RBMXL1: variants seen among roughly 807,000 people sequenced by gnomAD.
RBMXL1 encodes RBMX like 1, also known as RNA binding motif protein, X-linked-like-1.
A neutral mutation model predicts 29.0 loss-of-function variants in RBMXL1; 18 were observed. The observed-to-expected ratio is 0.62, with a 90% CI of 0.43 to 0.92. RBMXL1 has a LOEUF of 0.92. Ranked by LOEUF, RBMXL1 falls within the 40% of genes least tolerant of loss-of-function variation. The pLI, the probability that RBMXL1 is intolerant of heterozygous loss-of-function variation, is 0.00. For missense variants in RBMXL1, 403 were observed against 495.8 expected, an observed-to-expected ratio of 0.81 and a Z score of 1.78; for synonymous variants, 141 against 170.4, an observed-to-expected ratio of 0.83 and a Z score of 1.34.
intron 2 of RBMXL1, among the ~76,000 whole-genome samples, chr1:88,986,210 CAG>C (rs1184047381): frequency 6.7e-6 from 1 of 148,522 alleles, no homozygotes; most frequent in African/African-American, 2.5e-5. Flanking sequence ...GAGAGAGAGA[CAG>C]AGAGAGTTGA....
intron 2 of RBMXL1, 63 bp from the exon 3 acceptor site, chr1:88,984,129 C>T (rs1207254347): frequency 2.6e-6 from 1 of 387,704 alleles, no homozygotes; most frequent in East Asian, 4.7e-5. Context: ...GGGAAAGATG[C>T]TTAAAGATAC....
chr1:88,985,191 T>C (rs756648452), intron 2 of RBMXL1, among the ~76,000 whole-genome samples: 11 of 152,078 alleles, frequency 7.2e-5, no homozygotes, highest in African/African-American at 2.7e-4. Context: ...TCAAAAAAAA[T>C]TGGGTTCAAG....
At position 88,981,504 on chromosome 1, in the gene RBMXL1, T is replaced by A; in HGVS notation, c.*1150A>T. 1 of 155,572 alleles carries A rather than the reference T, an allele frequency of 6.4e-6. No individual in the cohort carries two copies. The highest frequency in any genetic ancestry group is 2.0e-4 in the South Asian group (1 of 4,914). 9.6% of individuals were successfully genotyped at this position (155,572 alleles called of 1,614,324 possible). ...GGTCAATTACTTAAGTAACTACCACTCACTCCCTAGTTATGAGTGTTAATC... is the reference window on the plus strand; with the variant it reads ...GGTCAATTACTTAAGTAACTACCACACACTCCCTAGTTATGAGTGTTAATC... On this transcript the variant is annotated 3_prime_UTR_variant, in exon 3 of 3. Coordinates refer to ENST00000652648, the MANE Select transcript of RBMXL1 (RefSeq NM_001162536.3).
In RBMXL1 at chr1:88,980,375, C is replaced by T. The variant is rs1165314866; in HGVS notation, c.*2279G>A. The T allele has an allele frequency of 1.3e-5, 2 of 152,376 alleles. No homozygotes were observed. The highest frequency in any genetic ancestry group is 2.4e-5 in the African/African-American group (1 of 41,364). The allele number at this position is 152,376 out of a possible 1,614,324, so 9.4% of individuals were successfully genotyped here. On this transcript the variant is annotated 3_prime_UTR_variant, in exon 3 of 3. Coordinates refer to ENST00000652648, the MANE Select transcript of RBMXL1 (RefSeq NM_001162536.3). Reference sequence around the variant, plus strand: ...CCTTCTTTTCTCCCTCTGGACCAAGCACCCGCCCAAGCAAGCCAACTTTAA... The same window carrying T: ...CCTTCTTTTCTCCCTCTGGACCAAGTACCCGCCCAAGCAAGCCAACTTTAA...
At chr1:88,987,679 A>T (rs1212331202) in intron 2 of RBMXL1, among the ~76,000 whole-genome samples, 1 of 152,232 alleles carries the variant, frequency 6.6e-6, no homozygotes, top group East Asian at 1.9e-4. Context: ...TTTAGAATAA[A>T]TCTTAGACCT....
At chr1:88,992,199 CG>C (rs1677846164) in intron 1 of RBMXL1, among the ~76,000 whole-genome samples, 1 of 152,106 alleles carries the variant, frequency 6.6e-6, no homozygotes, top group Non-Finnish European at 1.5e-5. Flanking sequence ...AGGATGGTCT[CG>C]ATCTCCTGAC....
chr1:88,981,943 A>G lies in RBMXL1; in HGVS notation c.*711T>C. The stretch of plus-strand genomic sequence containing the variant: ...GCAAAAATTTGAAAGAGTAAGAGCA[A>G]GCACCTTTGCAGCTTCATGGTTGGT... On this transcript the variant is annotated 3_prime_UTR_variant, in exon 3 of 3. Transcript: ENST00000652648. 1 of 981,924 alleles carries G rather than the reference A, an allele frequency of 1.0e-6. No individual in the cohort carries two copies. 60.8% of individuals were successfully genotyped at this position (981,924 alleles called of 1,614,324 possible).
chr1:88,985,564 C>A (rs1002576277), intron 2 of RBMXL1, among the ~76,000 whole-genome samples: 1 of 152,180 alleles, frequency 6.6e-6, no homozygotes, highest in South Asian at 2.1e-4. Flanking sequence ...CCAGATAGAT[C>A]TTAGTTCAAA....
chr1:88,987,817 C>T (rs528998837), intron 2 of RBMXL1, among the ~76,000 whole-genome samples: 12 of 152,316 alleles, frequency 7.9e-5, no homozygotes, highest in South Asian at 4.1e-4. Flanking sequence ...AGTCCACATT[C>T]GTATCTCTCT....
At chr1:88,988,075 G>A (rs1297966256) in intron 2 of RBMXL1, among the ~76,000 whole-genome samples, 177 bp downstream of exon 2, 1 of 152,160 alleles carries the variant, frequency 6.6e-6, no homozygotes, top group African/African-American at 2.4e-5. Flanking sequence ...TCCACAGACA[G>A]GCAAGCAGTT....
Position 88,982,853 on chromosome 1 carries a change from T to C in RBMXL1, c.974A>G (p.Asp325Gly). Residue 325 changes from aspartate to glycine, a missense_variant, in exon 3 of 3, where the codon GAC becomes GGC. Asp to Gly is a moderately conservative substitution (Grantham distance 94, BLOSUM62 -1). Transcript: ENST00000652648. ...SSRDGYGGSR[D>G]SYSSSRSDLY... is the part of the protein sequence containing the mutation. ...ATCACTTCGGCTGCTTGAGTAACTG[T>C]CTCGACTTCCACCATATCCATCACG... The C allele has an allele frequency of 6.2e-7, 1 of 1,613,982 alleles. No individual in the cohort carries two copies. The highest frequency in any genetic ancestry group is 8.5e-7 in the Non-Finnish European group (1 of 1,179,870).
At position 88,983,501 on chromosome 1, in the gene RBMXL1, A is replaced by C. The variant is rs199775968; in HGVS notation, c.326T>G (p.Phe109Cys). 4.7e-5 allele frequency: 76 copies of C among 1,614,048 alleles called. No individual in the cohort carries two copies. In the East Asian group the frequency reaches 1.4e-3, roughly 30 times the overall value. The change falls in exon 3 of 3, where the codon TTT becomes TGT. Residue 109 changes from phenylalanine to cysteine, a missense_variant. Physicochemically the swap from Phe to Cys is radical, Grantham distance 205. Transcript: ENST00000652648. Reference protein sequence around the residue: ...PPRSRGPPRGFGAGRGGSGGT... With the variant: ...PPRSRGPPRGCGAGRGGSGGT... ...TCCACTTCCTCCTCTTCCAGCTCCA[A>C]AACCTCTTGGAGGACCTCTACTTCT...
rs1570835703 is a variant in RBMXL1, at chr1:88,981,655, C to T, written c.*999G>A. ...CTTACCAACAATCAGCCGCCTTCTGCTTCAACAACTCTTAGCATTTGATTT... is the reference window on the plus strand; with the variant it reads ...CTTACCAACAATCAGCCGCCTTCTGTTTCAACAACTCTTAGCATTTGATTT... On this transcript the variant is annotated 3_prime_UTR_variant, in exon 3 of 3. Transcript: ENST00000652648. 1 of 172,218 alleles carries T rather than the reference C, an allele frequency of 5.8e-6. No individual in the cohort carries two copies. 10.7% of individuals were successfully genotyped at this position (172,218 alleles called of 1,614,324 possible).
intron 1 of RBMXL1, among the ~76,000 whole-genome samples, chr1:88,991,070 T>C (rs1324115214): frequency 6.6e-6 from 1 of 152,198 alleles, no homozygotes; most frequent in East Asian, 1.9e-4. Flanking sequence ...ATAAAGTCCA[T>C]ATTCCAAAAC....
At chr1:88,985,591 C>T (rs528454260) in intron 2 of RBMXL1, among the ~76,000 whole-genome samples, 3 of 152,278 alleles carry the variant, frequency 2.0e-5, no homozygotes, top group East Asian at 3.9e-4. Context: ...CATCAAAACT[C>T]CTAGTGTGTG....
In RBMXL1 at chr1:88,983,850, AG is replaced by A. The variant is rs1191049313; in HGVS notation, c.-25del. On this transcript the variant is annotated 5_prime_UTR_variant, in exon 3 of 3. Coordinates refer to ENST00000652648, the MANE Select transcript of RBMXL1 (RefSeq NM_001162536.3). ...ATTTTTTTTTTTGCCGGTGAGTCGG[AG>A]GGGTGACAGTGGGTTCAAGCTCCAA... 2 of 1,552,920 alleles carry A rather than the reference AG, an allele frequency of 1.3e-6. No homozygotes were observed. The highest frequency in any genetic ancestry group is 1.4e-5 in the African/African-American group (1 of 69,094).
At chr1:88,991,910 T>G (rs1394528999) in intron 1 of RBMXL1, among the ~76,000 whole-genome samples, 6 of 152,168 alleles carry the variant, frequency 3.9e-5, no homozygotes, top group Admixed American at 3.9e-4. Context: ...ACTGCCTTTC[T>G]GTTTTAACTA....
At chr1:88,989,516 T>C (rs982502640) in intron 1 of RBMXL1, among the ~76,000 whole-genome samples, 3 of 152,114 alleles carry the variant, frequency 2.0e-5, no homozygotes, top group African/African-American at 4.8e-5. Flanking sequence ...AAAGATACAA[T>C]GGAATTTGCT....
In RBMXL1 at chr1:88,988,349, A is replaced by G. The variant is rs367748989; in HGVS notation, c.-338T>C. The G allele has an allele frequency of 8.7e-5, 140 of 1,603,226 alleles. No individual in the cohort carries two copies. The highest frequency in any genetic ancestry group is 1.1e-4 in the Non-Finnish European group (134 of 1,171,674). On this transcript the variant is annotated splice_region_variant and 5_prime_UTR_variant, in exon 2 of 3. It removes an upstream start codon present in the reference 5' UTR. Coordinates refer to ENST00000652648, the MANE Select transcript of RBMXL1 (RefSeq NM_001162536.3). ...GCAGAGGCTCCTCTGGGCCAAAAAC[A>G]TGCTATTAAATAAAAGAAAAATTGA...
Sources: gnomAD v4.1 joint callset for allele counts (sites outside exome capture counted in the v4.1 genomes callset) on GRCh38, gnomAD v4.1.1 for gene constraint, MANE v1.5 for transcripts, NCBI Gene and HGNC (gene_info 2026-07-23, HGNC 2026-07-21) for gene names.